MSH3: variants seen among roughly 807,000 people sequenced by gnomAD.
The protein encoded by MSH3 is mutS homolog 3, also known as DNA mismatch repair protein Msh3.
Under a neutral mutation model 123.3 loss-of-function variants are expected in MSH3, and 106 were observed. The ratio of observed to expected loss-of-function variants is 0.86; its 90% CI spans 0.73 to 1.01. The LOEUF is 1.01. Among genes scored for constraint, MSH3 ranks in the 50% least tolerant of loss-of-function variants. The probability of loss-of-function intolerance (pLI) is 0.00; values close to 1 mark genes in which losing one functional copy is unlikely to be tolerated. For missense variants in MSH3, 1,459 were observed against 1,347.6 expected, an observed-to-expected ratio of 1.08 and a Z score of -1.29; for synonymous variants, 515 against 481.4, an observed-to-expected ratio of 1.07 and a Z score of -0.91.
At chr5:80,721,437 T>C (rs146889285) in intron 8 of MSH3, among the ~76,000 whole-genome samples, 2 of 152,326 alleles carry the variant, frequency 1.3e-5, no homozygotes, top group African/African-American at 2.4e-5. Flanking sequence ...TTATCAAATA[T>C]ACAAACTGCA....
chr5:80,788,991 T>G (rs1027409508), intron 18 of MSH3, among the ~76,000 whole-genome samples: 1 of 152,138 alleles, frequency 6.6e-6, no homozygotes, highest in Non-Finnish European at 1.5e-5. Flanking sequence ...GAGTTATCCT[T>G]TGCATCCTAT....
rs1745606946 is a variant in MSH3, at chr5:80,840,745, A to G, written c.2814-13385A>G. On this transcript the variant is annotated intron_variant, in intron 20 of 23. Transcript: ENST00000265081. ...TTTCACCTAATACTATCCCTCCCCC[A>G]GCCCCCTACCCCTAACAGGCCCCGG... Among the ~76,000 whole-genome samples the G allele has an allele frequency of 2.1e-5, 3 of 143,500 alleles. No homozygotes were observed. In the Admixed American group the frequency reaches 2.1e-4, roughly 10 times the overall value. The allele number at this position is 143,500 out of a possible 152,430, so 94.1% of individuals were successfully genotyped here.
At chr5:80,665,534 C>T (rs1218178810) in intron 3 of MSH3, among the ~76,000 whole-genome samples, 171 bp downstream of exon 3, 1 of 151,948 alleles carries the variant, frequency 6.6e-6, no homozygotes, top group East Asian at 1.9e-4. Flanking sequence ...CCTGGAGATT[C>T]GATTTACTGT....
chr5:80,785,077 A>C (rs1006709688), intron 17 of MSH3, among the ~76,000 whole-genome samples: 2 of 152,212 alleles, frequency 1.3e-5, no homozygotes, highest in East Asian at 3.9e-4. Flanking sequence ...CTAGTAGTGT[A>C]ATCTGGATAT....
chr5:80,713,973 A>G (rs1340536966), intron 8 of MSH3, among the ~76,000 whole-genome samples: 1 of 152,098 alleles, frequency 6.6e-6, no homozygotes, highest in Non-Finnish European at 1.5e-5. Flanking sequence ...CAAGACTGAC[A>G]GTTCTGCAAG....
chr5:80,659,403 T>A (rs1749376450), intron 2 of MSH3, among the ~76,000 whole-genome samples: 1 of 152,180 alleles, frequency 6.6e-6, no homozygotes, highest in South Asian at 2.1e-4. Flanking sequence ...CACCTCCTGT[T>A]CTGCCCCAGC....
At chr5:80,831,951 AC>A (rs1561492519) in intron 20 of MSH3, among the ~76,000 whole-genome samples, 2 of 151,026 alleles carry the variant, frequency 1.3e-5, no homozygotes, top group Non-Finnish European at 1.5e-5. Flanking sequence ...TACTAAAAAT[AC>A]AAAAAAATTA....
At chr5:80,833,686 C>T (rs1371435970) in intron 20 of MSH3, among the ~76,000 whole-genome samples, 2 of 152,194 alleles carry the variant, frequency 1.3e-5, no homozygotes, top group South Asian at 2.1e-4. Flanking sequence ...CATGATCCGC[C>T]CACGTCAGCC....
At chr5:80,788,400 G>C (rs529593655) in intron 18 of MSH3, among the ~76,000 whole-genome samples, 1 of 152,194 alleles carries the variant, frequency 6.6e-6, no homozygotes, top group South Asian at 2.1e-4. Flanking sequence ...TCGTGCCACT[G>C]CACTCCATCC....
chr5:80,811,930 A>G (rs1745016285), intron 19 of MSH3, among the ~76,000 whole-genome samples: 1 of 152,014 alleles, frequency 6.6e-6, no homozygotes, highest in South Asian at 2.1e-4. Flanking sequence ...TTGTTTTATG[A>G]CACGCTTATT....
chr5:80,861,698 T>C (rs2112114862), intron 21 of MSH3, among the ~76,000 whole-genome samples: 1 of 152,314 alleles, frequency 6.6e-6, no homozygotes, highest in Non-Finnish European at 1.5e-5. Context: ...TCCCCTGCAC[T>C]TTTTGACTCT....
chr5:80,862,583 C>A (rs965790015), intron 21 of MSH3, among the ~76,000 whole-genome samples: 1 of 151,826 alleles, frequency 6.6e-6, no homozygotes, highest in African/African-American at 2.4e-5. Flanking sequence ...TAGTGAGACC[C>A]CTCTCTACAA....
intron 19 of MSH3, among the ~76,000 whole-genome samples, chr5:80,800,533 G>T (rs963237835): frequency 2.6e-5 from 4 of 152,214 alleles, no homozygotes; most frequent in Non-Finnish European, 5.9e-5. Flanking sequence ...TTCTAAAAGA[G>T]ATTAGCACAT....
At chr5:80,715,587 T>G (rs1376270108) in intron 8 of MSH3, among the ~76,000 whole-genome samples, 4 of 148,798 alleles carry the variant, frequency 2.7e-5, no homozygotes, top group Non-Finnish European at 6.0e-5. Flanking sequence ...AAGAACTACC[T>G]GAGACTGGGT....
At chr5:80,667,254 T>G (rs777276991) in intron 3 of MSH3, among the ~76,000 whole-genome samples, 5 of 152,238 alleles carry the variant, frequency 3.3e-5, no homozygotes, top group Non-Finnish European at 7.3e-5. Flanking sequence ...TTTTCTGTGT[T>G]GATTAACTTT....
At chr5:80,745,202 C>G (rs1424707483) in intron 12 of MSH3, among the ~76,000 whole-genome samples, 1 of 152,200 alleles carries the variant, frequency 6.6e-6, no homozygotes, top group Non-Finnish European at 1.5e-5. Flanking sequence ...ACCTGGGATG[C>G]TTCACAAAAT....
chr5:80,783,280 A>G (rs930530703), intron 17 of MSH3, among the ~76,000 whole-genome samples: 2 of 152,120 alleles, frequency 1.3e-5, no homozygotes, highest in Non-Finnish European at 2.9e-5. Flanking sequence ...TAGCATAGTG[A>G]TAAAATTGCT....
intron 13 of MSH3, among the ~76,000 whole-genome samples, chr5:80,762,994 C>T (rs1004409674): frequency 2.0e-5 from 3 of 151,804 alleles, no homozygotes; most frequent in Admixed American, 2.0e-4. Context: ...TTACAGGCAC[C>T]CGCCACTATG....
chr5:80,678,781 G>T, intron 7 of MSH3, 146 bp from the exon 8 acceptor site: 1 of 840,662 alleles, frequency 1.2e-6, no homozygotes, highest in Non-Finnish European at 1.9e-6. Context: ...GTCCTGAAAA[G>T]CAGACAGGTT....
Sources: allele counts gnomAD v4.1 joint callset (sites outside exome capture counted in the v4.1 genomes callset), GRCh38; gene constraint gnomAD v4.1.1; transcripts MANE v1.5; gene names NCBI Gene and HGNC (gene_info 2026-07-23, HGNC 2026-07-21).